KLF11: variants seen among roughly 807,000 people sequenced by gnomAD.
The protein encoded by KLF11 is Krueppel-like factor 11.
KLF11 carries 26 observed loss-of-function variants against 29.9 expected under a neutral mutation model. That is an observed-to-expected ratio of 0.87 (90% CI 0.64 to 1.21). The LOEUF is 1.21. KLF11 is among the 50% of genes most tolerant of loss of function. KLF11 has a pLI of 0.00. For missense variants in KLF11, 778 were observed against 665.7 expected, an observed-to-expected ratio of 1.17 and a Z score of -1.86; for synonymous variants, 318 against 257.4, an observed-to-expected ratio of 1.24 and a Z score of -2.25.
At position 10,048,187 on chromosome 2, in the gene KLF11, C is replaced by T. The variant is rs780863595; in HGVS notation, c.850C>T (p.Pro284Ser). The change falls in exon 3 of 4, where the codon CCT becomes TCT. Residue 284 changes from proline (P) to serine (S), a missense_variant. By Grantham distance (74) the Pro-to-Ser change is moderately conservative (BLOSUM62 -1). Transcript: ENST00000305883. ...GATTTCTGTCTCTGTCCCTGCTCCC[C>T]CTGTCCTTTGCCAGATGATCCCTGT... ...PLISVSVPAPPVLCQMIPVTG... is the reference protein window; with the variant it reads ...PLISVSVPAPSVLCQMIPVTG... 3.1e-6 allele frequency: 5 copies of T among 1,614,230 alleles called. No individual in the cohort carries two copies. Among genetic ancestry groups the T allele is most frequent in the East Asian group, 4.5e-5 (2 of 44,888 alleles).
In KLF11 at chr2:10,046,024, C is replaced by T. The variant is rs182632864; in HGVS notation, c.43-126C>T. 14 of 1,087,134 alleles carry T rather than the reference C, an allele frequency of 1.3e-5. No homozygotes were observed. The East Asian group carries it at 2.1e-4, about 16-fold the overall frequency. 67.3% of individuals were successfully genotyped at this position (1,087,134 alleles called of 1,614,324 possible). On this transcript the variant is annotated intron_variant, in intron 1 of 3. Coordinates refer to ENST00000305883, the MANE Select transcript of KLF11 (RefSeq NM_003597.5). ...TTTTACTACACCTCGGTGTTTGTTG[C>T]TATAGACTATTGCATGTGCATTACA...
At chr2:10,043,870 T>C (rs895378535) in intron 1 of KLF11, 112 bp downstream of exon 1, 5 of 1,118,618 alleles carry the variant, frequency 4.5e-6, no homozygotes, top group East Asian at 6.3e-5. Context: ...CGTGCAGGGC[T>C]TCGCTGCGGC....
At chr2:10,049,857 G>T (rs1361397451) in intron 3 of KLF11, among the ~76,000 whole-genome samples, 1 of 152,178 alleles carries the variant, frequency 6.6e-6, no homozygotes, top group Non-Finnish European at 1.5e-5. Flanking sequence ...AGATGGACGT[G>T]GGGCTGTGTC....
chr2:10,048,587 C>T lies in KLF11; in HGVS notation c.1250C>T (p.Thr417Ile), dbSNP rs1558348943. 3.1e-6 allele frequency: 5 copies of T among 1,601,418 alleles called. No individual in the cohort carries two copies. The Admixed American group carries it at 8.3e-5, about 27-fold the overall frequency. Residue 417 changes from threonine (T) to isoleucine (I), a missense_variant, in exon 3 of 4, where the codon ACT (threonine) becomes ATT (isoleucine). Thr to Ile is a moderately conservative substitution (Grantham distance 89). Coordinates refer to ENST00000305883, the MANE Select transcript of KLF11 (RefSeq NM_003597.5). ...TCCCACCTTAAGGCCCATCTTCGCA[C>T]TCACACAGGTAAGCGCTGGGGCAGG... ...KSSHLKAHLR[T>I]HTGEKPFNCS...
intron 3 of KLF11, 58 bp downstream of exon 3, chr2:10,048,653 A>C: frequency 1.5e-6 from 2 of 1,320,286 alleles, no homozygotes; most frequent in Admixed American, 3.4e-5. Context: ...TAGGAAGCAC[A>C]CCTTGAGCCG....
At chr2:10,051,066 C>T (rs1345084954) in intron 3 of KLF11, among the ~76,000 whole-genome samples, 1 of 150,808 alleles carries the variant, frequency 6.6e-6, no homozygotes, top group Non-Finnish European at 1.5e-5. Flanking sequence ...GCTACCATGC[C>T]TGGCTAATTT....
intron 3 of KLF11, among the ~76,000 whole-genome samples, chr2:10,050,600 T>C (rs984201465): frequency 6.6e-6 from 1 of 151,904 alleles, no homozygotes; most frequent in Non-Finnish European, 1.5e-5. Context: ...TCCCAGCTAC[T>C]TGGGAGGCTG....
At position 10,052,220 on chromosome 2, in the gene KLF11, C is replaced by G. The variant is rs1033726831; in HGVS notation, c.1259-7C>G. 1 of 1,613,824 alleles carries G rather than the reference C, an allele frequency of 6.2e-7. No homozygotes were observed. Among genetic ancestry groups the G allele is most frequent in the African/African-American group, 1.3e-5 (1 of 74,892 alleles). ...TTCTCTTTAATATGTATTTTCTCAC[C>G]TCACAGGGGAGAAGCCTTTCAACTG... is the stretch of plus-strand genomic sequence containing the variant. On this transcript the variant is annotated splice_region_variant and splice_polypyrimidine_tract_variant and intron_variant, in intron 3 of 3. Transcript: ENST00000305883.
chr2:10,047,523 G>A (rs1661245879), intron 2 of KLF11, 127 bp from the exon 3 acceptor site: 2 of 839,794 alleles, frequency 2.4e-6, no homozygotes, highest in Non-Finnish European at 3.9e-6. Context: ...GAAACCCACT[G>A]GGATGTTGAA....
At position 10,046,536 on chromosome 2, in the gene KLF11, C is replaced by T. The variant is rs139624191; in HGVS notation, c.312+117C>T. On this transcript the variant is annotated intron_variant, in intron 2 of 3. Coordinates refer to ENST00000305883, the MANE Select transcript of KLF11 (RefSeq NM_003597.5). ...GATGCTGGCAAATAAGTTGCGTATC[C>T]TCTCTGTGTGGGTCTGAAGGAGTAG... The T allele has an allele frequency of 1.3e-3, 1,496 of 1,150,680 alleles. 4 individuals carry two copies. The highest frequency in any genetic ancestry group is 1.7e-3 in the Non-Finnish European group (1,316 of 784,512). The allele number at this position is 1,150,680 out of a possible 1,614,324, so 71.3% of individuals were successfully genotyped here. A position where few individuals can be genotyped will look rare whatever the true frequency, so the allele number is the denominator to read the frequency against.
chr2:10,048,664 C>T (rs1661311504), intron 3 of KLF11, 69 bp downstream of exon 3: 13 of 1,237,158 alleles, frequency 1.1e-5, no homozygotes, highest in Non-Finnish European at 1.5e-5. Flanking sequence ...CCTTGAGCCG[C>T]CTTTGGCTGG....
chr2:10,043,816 G>T, intron 1 of KLF11, 58 bp downstream of exon 1: 1 of 1,323,792 alleles, frequency 7.6e-7, no homozygotes. Context: ...CGAGGCGGGG[G>T]AAGTGGTGCG....
At chr2:10,044,802 T>C (rs1661135110) in intron 1 of KLF11, among the ~76,000 whole-genome samples, 1 of 152,080 alleles carries the variant, frequency 6.6e-6, no homozygotes, top group Non-Finnish European at 1.5e-5. Flanking sequence ...AGTTTTCTTT[T>C]GGAAGAGATC....
At chr2:10,052,104 A>T in intron 3 of KLF11, 123 bp from the exon 4 acceptor site, 1 of 1,008,580 alleles carries the variant, frequency 9.9e-7, no homozygotes, top group South Asian at 1.3e-5. Flanking sequence ...CCAATTCCAG[A>T]GTAATAAGAT....
rs777171582 is a variant in KLF11 at position 10,043,760 on chromosome 2, T to C, written c.42+2T>C. ...GCAGGCCCAGACGACGCGCGCGCAG[T>C]GAGTGGTGGGGCTGCCGCGGCGGGA... On this transcript the variant is annotated splice_donor_variant, in intron 1 of 3. Transcript: ENST00000305883. LOFTEE classifies it high-confidence loss of function. The C allele has an allele frequency of 1.5e-6, 2 of 1,368,374 alleles. No homozygotes were observed. Among genetic ancestry groups the C allele is most frequent in the Non-Finnish European group, 1.9e-6 (2 of 1,043,904 alleles). The allele number at this position is 1,368,374 out of a possible 1,614,324, so 84.8% of individuals were successfully genotyped here.
At chr2:10,048,801 C>G (rs960722989) in intron 3 of KLF11, among the ~76,000 whole-genome samples, 2 of 151,958 alleles carry the variant, frequency 1.3e-5, no homozygotes, top group African/African-American at 2.4e-5. Flanking sequence ...ACAGAGCGCT[C>G]GCCCTGGAAG....
At chr2:10,045,788 G>T (rs1661177105) in intron 1 of KLF11, among the ~76,000 whole-genome samples, 1 of 152,222 alleles carries the variant, frequency 6.6e-6, no homozygotes, top group African/African-American at 2.4e-5. Context: ...CTCAGTGTTG[G>T]CTCCTCCTCC....
chr2:10,044,696 A>G (rs1242564639), intron 1 of KLF11, among the ~76,000 whole-genome samples: 2 of 139,334 alleles, frequency 1.4e-5, no homozygotes, highest in South Asian at 2.3e-4. Flanking sequence ...CCCAGGCCGG[A>G]GTGCAGTGGG....
chr2:10,051,557 G>A (rs1486880583), intron 3 of KLF11, among the ~76,000 whole-genome samples: 4 of 149,826 alleles, frequency 2.7e-5, no homozygotes, highest in African/African-American at 4.9e-5. Context: ...CTCCTGTGTC[G>A]CCCAGGCTGG....
Sources: allele counts gnomAD v4.1 joint callset (sites outside exome capture counted in the v4.1 genomes callset), GRCh38; gene constraint gnomAD v4.1.1; transcripts MANE v1.5; gene names NCBI Gene and HGNC (gene_info 2026-07-23, HGNC 2026-07-21).